Variants in GDI2 observed in about 807,000 individuals in gnomAD.
The protein encoded by GDI2 is rab GDP dissociation inhibitor beta.
Under a neutral mutation model 54.2 loss-of-function variants are expected in GDI2, and 22 were observed. The ratio of observed to expected loss-of-function variants is 0.41; its 90% CI spans 0.29 to 0.58. GDI2 has a LOEUF of 0.58. Among genes scored for constraint, GDI2 ranks in the 20% least tolerant of loss-of-function variants. GDI2 has a pLI of 0.35. For synonymous variants in GDI2, 177 were observed against 182.1 expected, an observed-to-expected ratio of 0.97 and a Z score of 0.23; for missense variants, 422 against 546.0, an observed-to-expected ratio of 0.77 and a Z score of 2.26.
chr10:5,811,833 A>G, intron 1 of GDI2: 1 of 527,790 alleles, frequency 1.9e-6, no homozygotes, highest in Non-Finnish European at 3.2e-6. Context: ...TAAACAGAAA[A>G]ATGACAGACC....
chr10:5,809,438 T>C (rs971505099), intron 1 of GDI2, among the ~76,000 whole-genome samples: 1 of 152,186 alleles, frequency 6.6e-6, no homozygotes, highest in Admixed American at 6.5e-5. Context: ...CATCCTTGAC[T>C]TAGCATTGAC....
rs200696957 is a variant in GDI2, at chr10:5,812,201, A to AT, written c.45+1012dup. Among the ~76,000 whole-genome samples, 863 of 126,504 alleles carry AT rather than the reference A, an allele frequency of 6.8e-3. 12 individuals are homozygous for AT. Among genetic ancestry groups the AT allele is most frequent in the South Asian group, 0.043 (177 of 4,080 alleles). The allele number at this position is 126,504 out of a possible 152,430, so 83.0% of individuals were successfully genotyped here. On this transcript the variant is annotated intron_variant, in intron 1 of 10. Transcript: ENST00000380191. ...AAGTGAATTCTTTTGCAAGATGAACATTTAAAAAAAAAAAAAAAAGAACAG... is the reference window on the plus strand; with the variant it reads ...AAGTGAATTCTTTTGCAAGATGAACATTTTAAAAAAAAAAAAAAAAGAACAG...
chr10:5,804,832 CTT>C (rs35051449), intron 1 of GDI2, among the ~76,000 whole-genome samples: 7 of 142,588 alleles, frequency 4.9e-5, no homozygotes, highest in Admixed American at 7.1e-5. Flanking sequence ...CTATCTGGAG[CTT>C]TTTTTTTTTT....
chr10:5,810,518 G>A (rs1021382971), intron 1 of GDI2, among the ~76,000 whole-genome samples: 1 of 152,202 alleles, frequency 6.6e-6, no homozygotes, highest in Non-Finnish European at 1.5e-5. Context: ...AGAGTAAACT[G>A]AAGAGCTCAA....
chr10:5,782,647 G>T (rs1412978928), intron 6 of GDI2, among the ~76,000 whole-genome samples: 1 of 151,954 alleles, frequency 6.6e-6, no homozygotes, highest in Admixed American at 6.6e-5. Flanking sequence ...TAAAAAAAAA[G>T]AATTGGCCAG....
chr10:5,800,764 AT>A (rs1230449800), intron 1 of GDI2, 59 bp from the exon 2 acceptor site: 7 of 852,294 alleles, frequency 8.2e-6, no homozygotes, highest in African/African-American at 1.7e-5. Context: ...AAAACAGATC[AT>A]TTTTTTCAAG....
chr10:5,792,632 A>G (rs1417666160), intron 4 of GDI2, among the ~76,000 whole-genome samples: 1 of 151,688 alleles, frequency 6.6e-6, no homozygotes, highest in Non-Finnish European at 1.5e-5. Context: ...CTGTACATAA[A>G]TTATACCTCA....
chr10:5,766,731 T>A lies in GDI2; in HGVS notation c.992-93A>T. ...CACCCATATGTCATGAGGTGTGAGT[T>A]AAAATTACTCTCAATAGGCAAGATC... On this transcript the variant is annotated intron_variant, in intron 8 of 10. Coordinates refer to ENST00000380191, the MANE Select transcript of GDI2 (RefSeq NM_001494.4). This position sits in a 1 kb window ranked among gnomAD's most constrained non-coding sequence, Gnocchi z 5.8. 1.0e-6 allele frequency: 1 copy of A among 970,388 alleles called. No homozygotes were observed. Among genetic ancestry groups the A allele is most frequent in the Non-Finnish European group, 1.6e-6 (1 of 622,476 alleles). The allele number at this position is 970,388 out of a possible 1,614,324, so 60.1% of individuals were successfully genotyped here. A position where few individuals can be genotyped will look rare whatever the true frequency, so the allele number is the denominator to read the frequency against.
chr10:5,797,681 A>G (rs1423553005), intron 2 of GDI2, among the ~76,000 whole-genome samples: 1 of 146,258 alleles, frequency 6.8e-6, no homozygotes, highest in Non-Finnish European at 1.5e-5. Flanking sequence ...TGGAGGTTGC[A>G]GTGAGCTGGG....
chr10:5,766,695 T>TA lies in GDI2; in HGVS notation c.992-58dup. 7.1e-7 allele frequency: 1 copy of TA among 1,399,812 alleles called. No homozygotes were observed. The highest frequency in any genetic ancestry group is 2.3e-5 in the East Asian group (1 of 43,908). 86.7% of individuals were successfully genotyped at this position (1,399,812 alleles called of 1,614,324 possible). A position where few individuals can be genotyped will look rare whatever the true frequency, so the allele number is the denominator to read the frequency against. On this transcript the variant is annotated intron_variant, in intron 8 of 10. Transcript: ENST00000380191. This position sits in a 1 kb window ranked among gnomAD's most constrained non-coding sequence, Gnocchi z 5.8. Reference sequence around the variant, plus strand: ...AAGTGTCTCCATCTGGGACCCAACATACTCAGGTATCACCCATATGTCATG... The same window carrying TA: ...AAGTGTCTCCATCTGGGACCCAACATAACTCAGGTATCACCCATATGTCATG...
At chr10:5,800,322 G>T (rs141018645) in intron 2 of GDI2, among the ~76,000 whole-genome samples, 1 of 152,084 alleles carries the variant, frequency 6.6e-6, no homozygotes, top group Admixed American at 6.6e-5. Flanking sequence ...AAAGCCATGA[G>T]GAAAGCACTG....
intron 6 of GDI2, among the ~76,000 whole-genome samples, chr10:5,777,958 A>G (rs1442285024): frequency 6.6e-6 from 1 of 152,226 alleles, no homozygotes; most frequent in African/African-American, 2.4e-5. Flanking sequence ...TGCAGCCATA[A>G]AAAAGGATGA....
chr10:5,798,646 A>G (rs1841200129), intron 2 of GDI2, among the ~76,000 whole-genome samples: 1 of 152,076 alleles, frequency 6.6e-6, no homozygotes, highest in Admixed American at 6.6e-5. Flanking sequence ...GAGAAAAAAA[A>G]GAAAAGAAAT....
chr10:5,771,724 G>A (rs1840493274), intron 7 of GDI2, among the ~76,000 whole-genome samples: 1 of 152,150 alleles, frequency 6.6e-6, no homozygotes, highest in South Asian at 2.1e-4. Context: ...TCAAAGCCCT[G>A]AAGTTTCAGA....
At chr10:5,782,309 A>G (rs1317986804) in intron 6 of GDI2, among the ~76,000 whole-genome samples, 1 of 152,198 alleles carries the variant, frequency 6.6e-6, no homozygotes, top group Admixed American at 6.5e-5. Flanking sequence ...AAAATTAAAA[A>G]CTTACAATAC....
chr10:5,802,762 T>C (rs975516926), intron 1 of GDI2, among the ~76,000 whole-genome samples: 5 of 152,204 alleles, frequency 3.3e-5, no homozygotes, highest in Non-Finnish European at 7.3e-5. Context: ...CCCACTTTAC[T>C]CAGAGTAAAC....
chr10:5,788,395 C>T (rs1489043513), intron 4 of GDI2, among the ~76,000 whole-genome samples: 1 of 152,152 alleles, frequency 6.6e-6, no homozygotes, highest in Non-Finnish European at 1.5e-5. Flanking sequence ...CTCCCTCCTT[C>T]CTCTTTCCCC....
intron 2 of GDI2, among the ~76,000 whole-genome samples, chr10:5,798,180 T>C (rs950311482): frequency 2.0e-4 from 30 of 152,196 alleles, no homozygotes; most frequent in African/African-American, 7.0e-4. Flanking sequence ...TTCACATGAA[T>C]TGAAATGAAG....
intron 4 of GDI2, among the ~76,000 whole-genome samples, chr10:5,789,120 T>TTC: frequency 6.6e-6 from 1 of 151,718 alleles, no homozygotes; most frequent in East Asian, 1.9e-4. Flanking sequence ...TTTTTTTTTT[T>TTC]CCTTTTTGAG....
Sources: gnomAD v4.1 joint callset for allele counts (sites outside exome capture counted in the v4.1 genomes callset) on GRCh38, gnomAD v4.1.1 for gene constraint, Gnocchi (gnomAD v3.1) non-coding constraint, MANE v1.5 for transcripts, NCBI Gene and HGNC (gene_info 2026-07-23, HGNC 2026-07-21) for gene names.